The following PITPNM3 variants were observed in gnomAD, a reference collection of about 807,000 sequenced individuals.
PITPNM3 encodes membrane-associated phosphatidylinositol transfer protein 3.
A neutral mutation model predicts 102.0 loss-of-function variants in PITPNM3; 26 were observed. That is an observed-to-expected ratio of 0.25 (90% CI 0.19 to 0.35). The LOEUF is 0.35. Among genes scored for constraint, PITPNM3 ranks in the 10% least tolerant of loss-of-function variants. The pLI, the probability that PITPNM3 is intolerant of heterozygous loss-of-function variation, is 1.00. For synonymous variants in PITPNM3, 578 were observed against 558.6 expected (o/e 1.03, Z -0.49); for missense variants, 1,083 against 1,346.1 (o/e 0.80, Z 3.06).
At chr17:6,506,458 G>A (rs889023849) in intron 3 of PITPNM3, among the ~76,000 whole-genome samples, 5 of 150,006 alleles carry the variant, frequency 3.3e-5, no homozygotes, top group East Asian at 2.0e-4. Flanking sequence ...TGTAACCTCC[G>A]CCTCCCAGGT....
chr17:6,520,719 C>T (rs370988904), intron 3 of PITPNM3, among the ~76,000 whole-genome samples: 8 of 152,202 alleles, frequency 5.3e-5, no homozygotes, highest in South Asian at 2.1e-4. Flanking sequence ...GTAGCTAAAA[C>T]GTGGAAGCAA....
At chr17:6,464,964 C>T (rs1039860049) in intron 14 of PITPNM3, among the ~76,000 whole-genome samples, 193 bp from the exon 15 acceptor site, 14 of 152,196 alleles carry the variant, frequency 9.2e-5, no homozygotes, top group Admixed American at 5.9e-4. Flanking sequence ...GTCCCCCAAA[C>T]GCTGTCTTCA....
chr17:6,521,640 G>C (rs1908530537), intron 3 of PITPNM3, among the ~76,000 whole-genome samples: 2 of 151,226 alleles, frequency 1.3e-5, no homozygotes, highest in Admixed American at 1.3e-4. Context: ...ATATATACTG[G>C]GCAATATGTT....
chr17:6,466,181 G>A (rs1817664885), intron 14 of PITPNM3, among the ~76,000 whole-genome samples: 2 of 152,098 alleles, frequency 1.3e-5, no homozygotes, highest in South Asian at 4.1e-4. Flanking sequence ...CTGGCTCTAG[G>A]TGCCATCCCT....
At position 6,517,944 on chromosome 17, in the gene PITPNM3, T is replaced by C. The variant is rs962686856; in HGVS notation, c.226+7412A>G. 9.9e-5 allele frequency among the ~76,000 whole-genome samples: 15 copies of C among 152,120 alleles called. No homozygotes were observed. Among genetic ancestry groups the C allele is most frequent in the African/African-American group, 3.6e-4 (15 of 41,404 alleles). On this transcript the variant is annotated intron_variant, in intron 3 of 19. Coordinates refer to ENST00000262483, the MANE Select transcript of PITPNM3 (RefSeq NM_031220.4). The surrounding 1 kb of genome is among the most constrained non-coding windows in gnomAD (Gnocchi z 4.1). ...GAGGTATATAAGAAATTTGATGGTG[T>C]CAATAAAAAACAAGAAAAGGGGAAG...
chr17:6,499,618 C>T (rs1224645754), intron 4 of PITPNM3, among the ~76,000 whole-genome samples: 1 of 152,200 alleles, frequency 6.6e-6, no homozygotes, highest in African/African-American at 2.4e-5. Context: ...ACTTTCTATC[C>T]AGCCTGTGCG....
At chr17:6,506,510 T>C (rs530944611) in intron 3 of PITPNM3, among the ~76,000 whole-genome samples, 2 of 152,178 alleles carry the variant, frequency 1.3e-5, no homozygotes, top group South Asian at 4.1e-4. Context: ...TAGCTGGGAC[T>C]ACAGGCACCC....
intron 14 of PITPNM3, among the ~76,000 whole-genome samples, chr17:6,466,368 C>T (rs1904768637): frequency 1.3e-5 from 2 of 152,234 alleles, no homozygotes; most frequent in African/African-American, 4.8e-5. Context: ...GCATGGGGTC[C>T]CTGAGATAAA....
At chr17:6,490,327 G>A (rs1176942164) in intron 4 of PITPNM3, among the ~76,000 whole-genome samples, 3 of 152,064 alleles carry the variant, frequency 2.0e-5, no homozygotes, top group Admixed American at 6.5e-5. Flanking sequence ...CCTCAGACAC[G>A]CTCTGCAAAC....
rs954406220 is a variant in PITPNM3, at chr17:6,517,921, G to A, written c.226+7435C>T. 1.3e-5 allele frequency among the ~76,000 whole-genome samples: 2 copies of A among 152,030 alleles called. No homozygotes were observed. Among genetic ancestry groups the A allele is most frequent in the African/African-American group, 4.8e-5 (2 of 41,384 alleles). Reference sequence around the variant, plus strand: ...CGTTTCTAGAACTACAAAAAAAGGAGGTATATAAGAAATTTGATGGTGTCA... The same window carrying A: ...CGTTTCTAGAACTACAAAAAAAGGAAGTATATAAGAAATTTGATGGTGTCA... On this transcript the variant is annotated intron_variant, in intron 3 of 19. Transcript: ENST00000262483. This position sits in a 1 kb window ranked among gnomAD's most constrained non-coding sequence, Gnocchi z 4.1.
At chr17:6,467,850 C>A (rs1028665386) in intron 14 of PITPNM3, among the ~76,000 whole-genome samples, 5 of 152,234 alleles carry the variant, frequency 3.3e-5, no homozygotes, top group Non-Finnish European at 7.3e-5. Flanking sequence ...TCTGTACCTT[C>A]CTCTATCAAA....
chr17:6,520,822 T>C (rs1310143759), intron 3 of PITPNM3, among the ~76,000 whole-genome samples: 1 of 152,242 alleles, frequency 6.6e-6, no homozygotes, highest in Non-Finnish European at 1.5e-5. Context: ...AATAAAGTAC[T>C]GATTCATGTT....
intron 2 of PITPNM3, among the ~76,000 whole-genome samples, chr17:6,532,845 G>C (rs2150656841): frequency 6.6e-6 from 1 of 152,078 alleles, no homozygotes; most frequent in East Asian, 1.9e-4. Context: ...TGGGTCACAT[G>C]GTAGTGAAGT....
At chr17:6,539,385 A>T (rs904363972) in intron 1 of PITPNM3, among the ~76,000 whole-genome samples, 3 of 152,190 alleles carry the variant, frequency 2.0e-5, no homozygotes, top group Non-Finnish European at 4.4e-5. Context: ...AAAAGAAATG[A>T]TTGGAAAGGA....
intron 1 of PITPNM3, 118 bp from the exon 2 acceptor site, chr17:6,538,200 C>T: frequency 1.3e-6 from 1 of 747,396 alleles, no homozygotes; most frequent in Non-Finnish European, 2.4e-6. Context: ...TGTGCCCTCT[C>T]CCTCCGAGGC....
At chr17:6,531,265 C>T (rs2150653926) in intron 2 of PITPNM3, among the ~76,000 whole-genome samples, 1 of 152,354 alleles carries the variant, frequency 6.6e-6, no homozygotes, top group South Asian at 2.1e-4. Context: ...CTAGTCTTGG[C>T]ATATCCAGCC....
chr17:6,554,178 G>A (rs1910468693), intron 1 of PITPNM3, among the ~76,000 whole-genome samples: 1 of 151,960 alleles, frequency 6.6e-6, no homozygotes, highest in Admixed American at 6.5e-5. Context: ...AAATTAGCTG[G>A]ATGTGGTGGT....
chr17:6,541,763 G>A (rs1183504799), intron 1 of PITPNM3, among the ~76,000 whole-genome samples: 1 of 152,144 alleles, frequency 6.6e-6, no homozygotes, highest in Admixed American at 6.5e-5. Context: ...GTGTCCTTGA[G>A]GTGGGTCCTT....
At chr17:6,522,447 T>C (rs1019565906) in intron 3 of PITPNM3, among the ~76,000 whole-genome samples, 9 of 152,174 alleles carry the variant, frequency 5.9e-5, no homozygotes, top group Admixed American at 5.9e-4. Flanking sequence ...GGGAAGAAGG[T>C]TGGCTCCATT....
Sources: allele counts gnomAD v4.1 joint callset (sites outside exome capture counted in the v4.1 genomes callset), GRCh38; gene constraint gnomAD v4.1.1; non-coding constraint Gnocchi (gnomAD v3.1); transcripts MANE v1.5; gene names NCBI Gene and HGNC (gene_info 2026-07-23, HGNC 2026-07-21).